EYS: variants seen among roughly 807,000 people sequenced by gnomAD.
The protein encoded by EYS is protein eyes shut homolog.
In EYS, 250 loss-of-function variants were observed where a neutral mutation model predicts 282.1. That is an observed-to-expected ratio of 0.89 (90% CI 0.80 to 0.98). The LOEUF (loss-of-function observed/expected upper bound fraction) is 0.98. Among genes scored for constraint, EYS ranks in the 50% least tolerant of loss-of-function variants. EYS has a pLI of 0.00. For missense variants in EYS, 4,016 were observed against 3,709.0 expected, an observed-to-expected ratio of 1.08 and a Z score of -2.15; for synonymous variants, 1,355 against 1,282.9, an observed-to-expected ratio of 1.06 and a Z score of -1.20.
At chr6:64,145,992 A>G (rs1246904248) in intron 31 of EYS, among the ~76,000 whole-genome samples, 1 of 152,158 alleles carries the variant, frequency 6.6e-6, no homozygotes, top group Admixed American at 6.6e-5. Context: ...CTTCTAAAGT[A>G]AGATAGTGTA....
At chr6:65,066,773 C>A (rs752389201) in intron 12 of EYS, among the ~76,000 whole-genome samples, 46 of 152,126 alleles carry the variant, frequency 3.0e-4, no homozygotes, top group Middle Eastern at 3.2e-3. Context: ...ACTAATCTCA[C>A]TGCAGTGAAA....
At position 64,575,293 on chromosome 6, in the gene EYS, G is replaced by A. The variant is rs529749753; in HGVS notation, c.5644+14930C>T. 4.0e-5 allele frequency among the ~76,000 whole-genome samples: 6 copies of A among 150,926 alleles called. No individual in the cohort carries two copies. The South Asian group carries it at 1.3e-3, about 32-fold the overall frequency. On this transcript the variant is annotated intron_variant, in intron 26 of 42. Coordinates refer to ENST00000503581, the MANE Select transcript of EYS (RefSeq NM_001142800.2). ...AAACATGAAATTTTCAAAGAAAAGG[G>A]AAAATAAAGAGCATGTTAAAAAAAG...
chr6:64,322,926 C>G (rs1324244414), intron 29 of EYS, among the ~76,000 whole-genome samples: 1 of 152,004 alleles, frequency 6.6e-6, no homozygotes, highest in Admixed American at 6.6e-5. Flanking sequence ...CAGACATGCT[C>G]TTTTCCACAG....
intron 14 of EYS, among the ~76,000 whole-genome samples, chr6:64,957,851 C>A (rs892425912): frequency 2.0e-5 from 3 of 152,052 alleles, no homozygotes; most frequent in Non-Finnish European, 4.4e-5. Flanking sequence ...AAATACCAAA[C>A]AAATAATATG....
At chr6:65,319,860 G>T (rs1338706925) in intron 11 of EYS, among the ~76,000 whole-genome samples, 1 of 152,136 alleles carries the variant, frequency 6.6e-6, no homozygotes, top group Non-Finnish European at 1.5e-5. Context: ...AAGAGAGCTA[G>T]AATGCCTTCC....
intron 37 of EYS, among the ~76,000 whole-genome samples, chr6:63,799,981 G>C (rs1365560494): frequency 1.3e-5 from 2 of 152,180 alleles, no homozygotes; most frequent in African/African-American, 2.4e-5. Context: ...TGTTGGAGTC[G>C]AGAAGCTGAG....
chr6:63,973,448 T>G (rs1404019946), intron 35 of EYS, among the ~76,000 whole-genome samples: 1 of 152,170 alleles, frequency 6.6e-6, no homozygotes, highest in Non-Finnish European at 1.5e-5. Flanking sequence ...GATTTACATT[T>G]CAGATCCTAG....
chr6:63,972,950 G>T (rs1766655224), intron 35 of EYS, among the ~76,000 whole-genome samples: 1 of 152,056 alleles, frequency 6.6e-6, no homozygotes, highest in African/African-American at 2.4e-5. Flanking sequence ...ATGGGCATTT[G>T]GGTTGGTTCC....
At chr6:64,945,124 TAAAAAAAAAAA>T (rs763133866) in intron 15 of EYS, among the ~76,000 whole-genome samples, 1 of 112,296 alleles carries the variant, frequency 8.9e-6, no homozygotes, top group Non-Finnish European at 1.8e-5. Context: ...GTTTCTCTAT[TAAAAAAAAAAA>T]AAAAAAAAAA....
At chr6:63,990,274 A>G (rs1767547007) in intron 34 of EYS, among the ~76,000 whole-genome samples, 2 of 151,660 alleles carry the variant, frequency 1.3e-5, no homozygotes, top group Non-Finnish European at 3.0e-5. Context: ...ACAAAAATAC[A>G]TGGACCAATT....
intron 12 of EYS, among the ~76,000 whole-genome samples, chr6:65,064,343 T>C (rs1773673697): frequency 6.9e-6 from 1 of 143,972 alleles, no homozygotes; most frequent in Non-Finnish European, 1.5e-5. Flanking sequence ...GAATTTGCTA[T>C]ATATCATATA....
chr6:65,268,331 G>A (rs1253595581), intron 12 of EYS, among the ~76,000 whole-genome samples: 1 of 151,900 alleles, frequency 6.6e-6, no homozygotes, highest in Non-Finnish European at 1.5e-5. Flanking sequence ...TAGATCATAT[G>A]ATAAAAAGGA....
chr6:64,964,440 T>A (rs1419205663), intron 14 of EYS, among the ~76,000 whole-genome samples: 3 of 152,182 alleles, frequency 2.0e-5, no homozygotes, highest in Non-Finnish European at 4.4e-5. Context: ...ATTACTATAA[T>A]GTGTCAATTT....
chr6:64,342,941 C>G (rs949672348), intron 29 of EYS, among the ~76,000 whole-genome samples: 87 of 151,768 alleles, frequency 5.7e-4, no homozygotes, highest in African/African-American at 1.7e-3. Flanking sequence ...AACCAACAAA[C>G]ATCAAAAGAG....
chr6:64,896,776 T>C (rs1767486619), intron 18 of EYS, among the ~76,000 whole-genome samples: 1 of 152,014 alleles, frequency 6.6e-6, no homozygotes, highest in Non-Finnish European at 1.5e-5. Context: ...GAGGGGCGTC[T>C]GCCATTATTG....
chr6:63,994,320 T>C (rs983409817), intron 34 of EYS, among the ~76,000 whole-genome samples: 1 of 151,952 alleles, frequency 6.6e-6, no homozygotes, highest in Admixed American at 6.6e-5. Flanking sequence ...CAGATAAATA[T>C]GTTCAATCTG....
chr6:64,032,582 C>T (rs1320532786), intron 33 of EYS, among the ~76,000 whole-genome samples: 2 of 152,196 alleles, frequency 1.3e-5, no homozygotes, highest in African/African-American at 2.4e-5. Context: ...CAAGACTAAT[C>T]CTTGCTTCAG....
At chr6:64,910,966 T>C (rs1418897587) in intron 16 of EYS, among the ~76,000 whole-genome samples, 1 of 151,980 alleles carries the variant, frequency 6.6e-6, no homozygotes, top group African/African-American at 2.4e-5. Context: ...TCAATAAATA[T>C]TTATATTCTG....
At chr6:64,353,905 G>A (rs1444035981) in intron 29 of EYS, among the ~76,000 whole-genome samples, 1 of 151,500 alleles carries the variant, frequency 6.6e-6, no homozygotes, top group Non-Finnish European at 1.5e-5. Context: ...TCTGTGCTGG[G>A]GCTGCCAGAA....
Sources: allele counts gnomAD v4.1 joint callset (sites outside exome capture counted in the v4.1 genomes callset), GRCh38; gene constraint gnomAD v4.1.1; transcripts MANE v1.5; gene names NCBI Gene and HGNC (gene_info 2026-07-23, HGNC 2026-07-21).